SLC9A2: variants seen among roughly 807,000 people sequenced by gnomAD.
The protein encoded by SLC9A2 is sodium/hydrogen exchanger 2.
In SLC9A2, 42 loss-of-function variants were observed where a neutral mutation model predicts 71.7. The ratio of observed to expected loss-of-function variants is 0.59; its 90% CI spans 0.46 to 0.76. SLC9A2 has a LOEUF of 0.76. Ranked by LOEUF, SLC9A2 falls within the 30% of genes least tolerant of loss-of-function variation. The pLI, the probability that SLC9A2 is intolerant of heterozygous loss-of-function variation, is 0.00. For missense variants in SLC9A2, 829 were observed against 1,017.4 expected (o/e 0.81, Z 2.52); for synonymous variants, 396 against 392.5 (o/e 1.01, Z -0.10).
Position 102,708,187 on chromosome 2 carries a change from C to A in SLC9A2, c.2137C>A (p.Arg713Ser), listed in dbSNP as rs1327032925. ...TVLNLQPRAR[R>S]FLPEQFSKKS... ...GCTCAATTTGCAGCCCAGAGCCAGG[C>A]GCTTCTTGCCAGAACAGTTCTCCAA... is the stretch of plus-strand genomic sequence containing the variant. Residue 713 changes from arginine (R) to serine (S), a missense_variant, in exon 12 of 12, where the codon CGC becomes AGC. Physicochemically the swap from Arg to Ser is moderately radical, Grantham distance 110. Transcript: ENST00000233969. 7.4e-6 allele frequency: 12 copies of A among 1,614,016 alleles called. No individual in the cohort carries two copies. The highest frequency in any genetic ancestry group is 1.3e-5 in the African/African-American group (1 of 74,904).
intron 1 of SLC9A2, among the ~76,000 whole-genome samples, chr2:102,624,016 A>G: frequency 6.6e-6 from 1 of 152,174 alleles, no homozygotes; most frequent in East Asian, 1.9e-4. Context: ...GATTCAGCTT[A>G]GCTCTTAATT....
chr2:102,651,135 C>G (rs1183287088), intron 1 of SLC9A2, among the ~76,000 whole-genome samples: 1 of 152,148 alleles, frequency 6.6e-6, no homozygotes, highest in Non-Finnish European at 1.5e-5. Flanking sequence ...CCCCCATCCC[C>G]CTCCTGCCCT....
At chr2:102,656,628 T>A (rs1466823468) in intron 1 of SLC9A2, among the ~76,000 whole-genome samples, 1 of 152,164 alleles carries the variant, frequency 6.6e-6, no homozygotes, top group African/African-American at 2.4e-5. Flanking sequence ...GGAGCAAACG[T>A]CTCAAATATT....
Position 102,711,161 on chromosome 2 carries a change from AAC to A in SLC9A2, c.*2676_*2677del, listed in dbSNP as rs1266827514. On this transcript the variant is annotated 3_prime_UTR_variant, in exon 12 of 12. Coordinates refer to ENST00000233969, the MANE Select transcript of SLC9A2 (RefSeq NM_003048.6). ...TTGATTTACATAAAAACTGTAGACA[AAC>A]ACAGTACGAGTCTCAGCACGTTTTG... The A allele has an allele frequency of 5.9e-5, 9 of 152,366 alleles. No homozygotes were observed. The highest frequency in any genetic ancestry group is 1.9e-4 in the African/African-American group (8 of 41,464). The allele number at this position is 152,366 out of a possible 1,614,324, so 9.4% of individuals were successfully genotyped here.
chr2:102,644,871 G>A (rs1356092729), intron 1 of SLC9A2, among the ~76,000 whole-genome samples: 2 of 152,230 alleles, frequency 1.3e-5, no homozygotes, highest in Non-Finnish European at 2.9e-5. Context: ...TGCAGGCATA[G>A]CTTCAGCAGA....
chr2:102,642,954 T>C (rs1676638990), intron 1 of SLC9A2, among the ~76,000 whole-genome samples: 1 of 152,202 alleles, frequency 6.6e-6, no homozygotes, highest in Non-Finnish European at 1.5e-5. Context: ...CAGTTGGTGT[T>C]TTTTGACGAA....
intron 3 of SLC9A2, among the ~76,000 whole-genome samples, chr2:102,679,566 G>T (rs1677411796): frequency 6.6e-6 from 1 of 151,868 alleles, no homozygotes; most frequent in Non-Finnish European, 1.5e-5. Flanking sequence ...ATTTTTAGTA[G>T]ACAGGGTTTC....
intron 1 of SLC9A2, among the ~76,000 whole-genome samples, chr2:102,621,223 T>A (rs1219057331): frequency 1.3e-5 from 2 of 151,464 alleles, no homozygotes; most frequent in Non-Finnish European, 2.9e-5. Context: ...GTATTCCCAG[T>A]TACTTGGAGG....
At chr2:102,670,041 A>AT (rs56067364) in intron 3 of SLC9A2, among the ~76,000 whole-genome samples, 83,495 of 149,824 alleles carry the variant, frequency 0.56, 24,350 homozygotes, top group African/African-American at 0.74. Context: ...TTTATTTTTT[A>AT]TTTTTTTTGA....
In SLC9A2 at chr2:102,708,272, G is replaced by A; in HGVS notation, c.2222G>A (p.Arg741Gln). ...WKNEVDVDSGRDMPSTPPTPH... is the reference protein window; with the variant it reads ...WKNEVDVDSGQDMPSTPPTPH... ...AATGAGGTAGATGTTGATTCTGGCC[G>A]AGATATGCCCAGCACCCCCCCAACA... Residue 741 changes from arginine (R) to glutamine (Q), a missense_variant, in exon 12 of 12, where the codon CGA becomes CAA. Arg to Gln is a conservative substitution (Grantham distance 43, BLOSUM62 1). Around this residue, in one of 3 missense-constraint regions of SLC9A2, gnomAD observed 223 missense variants for 197.5 expected, o/e 1.13. Coordinates refer to ENST00000233969, the MANE Select transcript of SLC9A2 (RefSeq NM_003048.6). The A allele has an allele frequency of 3.7e-6, 6 of 1,614,196 alleles. No individual in the cohort carries two copies. The highest frequency in any genetic ancestry group is 4.2e-6 in the Non-Finnish European group (5 of 1,180,034).
At chr2:102,632,809 C>T (rs954536712) in intron 1 of SLC9A2, among the ~76,000 whole-genome samples, 1 of 152,138 alleles carries the variant, frequency 6.6e-6, no homozygotes, top group Non-Finnish European at 1.5e-5. Context: ...CAGATTACAC[C>T]TATCTGCTCT....
At chr2:102,702,552 A>G (rs1374147086) in intron 9 of SLC9A2, 50 bp downstream of exon 9, 1 of 1,133,538 alleles carries the variant, frequency 8.8e-7, no homozygotes, top group African/African-American at 1.6e-5. Flanking sequence ...GGCTAACAGG[A>G]TGCCTTCTGG....
intron 1 of SLC9A2, among the ~76,000 whole-genome samples, chr2:102,632,141 T>TACAC (rs1676383374): frequency 1.2e-5 from 1 of 81,210 alleles, no homozygotes; most frequent in Non-Finnish European, 2.5e-5. Context: ...TATATATGTA[T>TACAC]ATATACATAT....
intron 1 of SLC9A2, among the ~76,000 whole-genome samples, chr2:102,637,818 G>A (rs770844044): frequency 2.6e-5 from 4 of 152,210 alleles, no homozygotes; most frequent in Non-Finnish European, 4.4e-5. Context: ...TGCCTAAGTT[G>A]TGTTCTCATT....
At chr2:102,621,352 G>GGAA (rs1553422435) in intron 1 of SLC9A2, among the ~76,000 whole-genome samples, 5 of 109,536 alleles carry the variant, frequency 4.6e-5, no homozygotes, top group South Asian at 3.2e-4. Flanking sequence ...TTGTCTCAGG[G>GGAA]AAAAAAAAAA....
At position 102,645,250 on chromosome 2, in the gene SLC9A2, G is replaced by A. The variant is rs186809432; in HGVS notation, c.290-12314G>A. 1.6e-3 allele frequency among the ~76,000 whole-genome samples: 241 copies of A among 152,090 alleles called. 3 individuals carry two copies. Among genetic ancestry groups the A allele is most frequent in the African/African-American group, 4.2e-3 (176 of 41,504 alleles). Reference sequence around the variant, plus strand: ...AAACTAACAAACAGAAAACAATAACGTCAACATCAACAAAAAGGATGCCCA... The same window carrying A: ...AAACTAACAAACAGAAAACAATAACATCAACATCAACAAAAAGGATGCCCA... On this transcript the variant is annotated intron_variant, in intron 1 of 11. Coordinates refer to ENST00000233969, the MANE Select transcript of SLC9A2 (RefSeq NM_003048.6).
At chr2:102,695,506 C>T (rs1445060695) in intron 7 of SLC9A2, among the ~76,000 whole-genome samples, 4 of 151,834 alleles carry the variant, frequency 2.6e-5, no homozygotes, top group Non-Finnish European at 5.9e-5. Context: ...GATGAGTAGA[C>T]AAAGCATATG....
At chr2:102,695,599 T>C (rs1677740695) in intron 7 of SLC9A2, among the ~76,000 whole-genome samples, 1 of 151,658 alleles carries the variant, frequency 6.6e-6, no homozygotes, top group Admixed American at 6.6e-5. Context: ...CTCAGTCCTA[T>C]GGCCATTCCT....
chr2:102,651,579 T>C (rs1676836499), intron 1 of SLC9A2, among the ~76,000 whole-genome samples: 1 of 152,228 alleles, frequency 6.6e-6, no homozygotes, highest in Non-Finnish European at 1.5e-5. Context: ...TGATACAAAA[T>C]ATCCATCAAG....
Sources: allele counts gnomAD v4.1 joint callset (sites outside exome capture counted in the v4.1 genomes callset), GRCh38; gene constraint gnomAD v4.1.1; regional missense constraint gnomAD v4.1.1; transcripts MANE v1.5; gene names NCBI Gene and HGNC (gene_info 2026-07-23, HGNC 2026-07-21).